Variants in KCTD16 observed in about 807,000 individuals in gnomAD.
KCTD16 encodes the protein BTB/POZ domain-containing protein KCTD16.
KCTD16 carries 13 observed loss-of-function variants against 33.2 expected under a neutral mutation model. That is an observed-to-expected ratio of 0.39 (90% CI 0.25 to 0.62). The LOEUF (loss-of-function observed/expected upper bound fraction) is 0.62. Ranked by LOEUF, KCTD16 falls within the 20% of genes least tolerant of loss-of-function variation. KCTD16 has a pLI of 0.50. For missense variants in KCTD16, 441 were observed against 525.1 expected (o/e 0.84, Z 1.57); for synonymous variants, 197 against 195.3 (o/e 1.01, Z -0.07).
intron 3 of KCTD16, among the ~76,000 whole-genome samples, chr5:144,416,016 A>G (rs1179778049): frequency 2.0e-5 from 3 of 152,038 alleles, no homozygotes; most frequent in Non-Finnish European, 2.9e-5. Flanking sequence ...AAAGGATTCT[A>G]TTAAAAATAT....
intron 3 of KCTD16, among the ~76,000 whole-genome samples, chr5:144,397,565 T>A (rs1752603147): frequency 6.6e-6 from 1 of 152,196 alleles, no homozygotes; most frequent in Admixed American, 6.5e-5. Flanking sequence ...GTGTTTCTAT[T>A]TCTCCACATC....
chr5:144,480,194 A>T lies in KCTD16; in HGVS notation c.*6080A>T, dbSNP rs951788201. The T allele has an allele frequency of 6.6e-6, 1 of 151,892 alleles. No individual in the cohort carries two copies. The highest frequency in any genetic ancestry group is 2.4e-5 in the African/African-American group (1 of 41,396). 9.4% of individuals were successfully genotyped at this position (151,892 alleles called of 1,614,324 possible). ...ATGGCCATGTGCAATTTTTAGGTTTATGTCAGCTCAGTGGATAATGTGCGT... is the reference window on the plus strand; with the variant it reads ...ATGGCCATGTGCAATTTTTAGGTTTTTGTCAGCTCAGTGGATAATGTGCGT... On this transcript the variant is annotated 3_prime_UTR_variant, in exon 4 of 4. Transcript: ENST00000512467.
chr5:144,327,106 C>T (rs567799528), intron 3 of KCTD16, among the ~76,000 whole-genome samples: 25 of 152,222 alleles, frequency 1.6e-4, no homozygotes, highest in Non-Finnish European at 2.9e-4. Context: ...ATGTTGGCAA[C>T]GGTGAAGATT....
intron 3 of KCTD16, among the ~76,000 whole-genome samples, chr5:144,393,482 C>T (rs1184456463): frequency 6.6e-6 from 1 of 152,052 alleles, no homozygotes; most frequent in African/African-American, 2.4e-5. Flanking sequence ...TACTCAACCC[C>T]TAGGCAACAA....
intron 3 of KCTD16, among the ~76,000 whole-genome samples, chr5:144,210,216 G>A (rs1753338495): frequency 6.6e-6 from 1 of 152,064 alleles, no homozygotes; most frequent in Non-Finnish European, 1.5e-5. Flanking sequence ...ACCTAGAGTT[G>A]ATGGTCAATA....
At chr5:144,366,662 T>C (rs1751842702) in intron 3 of KCTD16, among the ~76,000 whole-genome samples, 1 of 152,156 alleles carries the variant, frequency 6.6e-6, no homozygotes, top group South Asian at 2.1e-4. Context: ...CCCTGGGGTC[T>C]GCACTATGTG....
At chr5:144,289,051 A>G (rs1450697602) in intron 3 of KCTD16, among the ~76,000 whole-genome samples, 1 of 152,180 alleles carries the variant, frequency 6.6e-6, no homozygotes, top group Non-Finnish European at 1.5e-5. Context: ...AAAACAAGCA[A>G]GCAAGCATCC....
intron 3 of KCTD16, among the ~76,000 whole-genome samples, chr5:144,231,217 T>G (rs1283163605): frequency 2.0e-5 from 3 of 152,148 alleles, no homozygotes; most frequent in African/African-American, 7.2e-5. Context: ...AGATTTGGGG[T>G]ATTCTTTTCT....
rs192941853 is a variant in KCTD16 at position 144,306,344 on chromosome 5, G to A, written c.832+98798G>A. On this transcript the variant is annotated intron_variant, in intron 3 of 3. Transcript: ENST00000512467. ...TTTTGCAACCCTGGCTGCTATGCTA[G>A]GAAAACTTACCAGAACAGTCTCTAC... 3.3e-5 allele frequency among the ~76,000 whole-genome samples: 5 copies of A among 152,336 alleles called. No individual in the cohort carries two copies. In the East Asian group the frequency reaches 9.7e-4, roughly 29 times the overall value.
chr5:144,458,221 C>T (rs1754115696), intron 3 of KCTD16, among the ~76,000 whole-genome samples: 1 of 151,932 alleles, frequency 6.6e-6, no homozygotes, highest in Non-Finnish European at 1.5e-5. Flanking sequence ...CTGCTATTGC[C>T]CCCATGTTAC....
intron 3 of KCTD16, among the ~76,000 whole-genome samples, chr5:144,417,903 T>G (rs1233583531): frequency 1.3e-5 from 2 of 152,314 alleles, no homozygotes; most frequent in East Asian, 3.9e-4. Context: ...ACTTCAAGAA[T>G]GAAGCTATGG....
chr5:144,181,949 C>T (rs892424213), intron 2 of KCTD16, among the ~76,000 whole-genome samples: 6 of 152,028 alleles, frequency 3.9e-5, no homozygotes, highest in Admixed American at 2.0e-4. Flanking sequence ...CAGAAATTAG[C>T]CAGCCGTGGT....
chr5:144,338,114 G>A lies in KCTD16; in HGVS notation c.832+130568G>A, dbSNP rs115214658. On this transcript the variant is annotated intron_variant, in intron 3 of 3. Coordinates refer to ENST00000512467, the MANE Select transcript of KCTD16 (RefSeq NM_020768.4). ...GTAAGCTCGGACTTTCTTCCCCATC[G>A]TTTCCCAGACCTAGCCCTGCTGGTA... is the stretch of plus-strand genomic sequence containing the variant. Among the ~76,000 whole-genome samples the A allele has an allele frequency of 9.9e-3, 1,501 of 152,188 alleles. 22 individuals carry two copies. The highest frequency in any genetic ancestry group is 0.034 in the African/African-American group (1,410 of 41,528).
intron 3 of KCTD16, among the ~76,000 whole-genome samples, chr5:144,450,963 A>C (rs1753927822): frequency 1.3e-5 from 2 of 152,188 alleles, no homozygotes; most frequent in Non-Finnish European, 2.9e-5. Flanking sequence ...TTTTTATTGC[A>C]AAAAGAAATA....
intron 3 of KCTD16, among the ~76,000 whole-genome samples, chr5:144,378,942 TG>T (rs1752152533): frequency 6.6e-6 from 1 of 152,176 alleles, no homozygotes; most frequent in South Asian, 2.1e-4. Context: ...ATCCGTGAAA[TG>T]GGATTTGGCG....
intron 3 of KCTD16, among the ~76,000 whole-genome samples, chr5:144,469,060 G>A (rs1754412536): frequency 6.6e-6 from 1 of 152,176 alleles, no homozygotes; most frequent in African/African-American, 2.4e-5. Flanking sequence ...GTTGTAAAAT[G>A]CTTGAAGATT....
At chr5:144,361,964 A>T (rs1487471539) in intron 3 of KCTD16, among the ~76,000 whole-genome samples, 4 of 148,414 alleles carry the variant, frequency 2.7e-5, no homozygotes, top group Non-Finnish European at 4.5e-5. Context: ...TTTATCTAGC[A>T]CTTGTTTCTG....
chr5:144,205,006 G>A (rs1263554067), intron 2 of KCTD16, among the ~76,000 whole-genome samples: 1 of 151,428 alleles, frequency 6.6e-6, no homozygotes, highest in Non-Finnish European at 1.5e-5. Flanking sequence ...AGGGGGGAGG[G>A]GGGAAGATCT....
chr5:144,424,932 C>A (rs1753290941), intron 3 of KCTD16, among the ~76,000 whole-genome samples: 1 of 152,116 alleles, frequency 6.6e-6, no homozygotes, highest in African/African-American at 2.4e-5. Flanking sequence ...CTCTGGCTCC[C>A]ACAAACTTAT....
Sources: allele counts gnomAD v4.1 joint callset (sites outside exome capture counted in the v4.1 genomes callset), GRCh38; gene constraint gnomAD v4.1.1; transcripts MANE v1.5; gene names NCBI Gene and HGNC (gene_info 2026-07-23, HGNC 2026-07-21).